Variants in PLPP3 observed in about 807,000 individuals in gnomAD.
PLPP3 encodes phospholipid phosphatase 3.
A neutral mutation model predicts 29.6 loss-of-function variants in PLPP3; 6 were observed. The observed-to-expected ratio is 0.20, with a 90% CI of 0.11 to 0.40. The LOEUF (loss-of-function observed/expected upper bound fraction) is 0.40. Among genes scored for constraint, PLPP3 ranks in the 10% least tolerant of loss-of-function variants. The pLI, the probability that PLPP3 is intolerant of heterozygous loss-of-function variation, is 1.00. For missense variants in PLPP3, 308 were observed against 407.7 expected (o/e 0.76, Z 2.11); for synonymous variants, 152 against 159.7 (o/e 0.95, Z 0.36).
At chr1:56,520,637 G>A (rs1645812207) in intron 4 of PLPP3, among the ~76,000 whole-genome samples, 1 of 118,352 alleles carries the variant, frequency 8.4e-6, no homozygotes, top group South Asian at 3.0e-4. Context: ...GCTGAGGTGG[G>A]TGGTGGCTCA....
chr1:56,543,761 G>T (rs908299826), intron 1 of PLPP3, among the ~76,000 whole-genome samples: 1 of 152,170 alleles, frequency 6.6e-6, no homozygotes, highest in African/African-American at 2.4e-5. Context: ...GTGTGAACAC[G>T]CAATATTCTG....
At chr1:56,570,079 G>A (rs985686153) in intron 1 of PLPP3, among the ~76,000 whole-genome samples, 12 of 152,148 alleles carry the variant, frequency 7.9e-5, no homozygotes, top group African/African-American at 2.9e-4. Flanking sequence ...TTAAGGCCAT[G>A]GAAACCCTGG....
intron 1 of PLPP3, among the ~76,000 whole-genome samples, chr1:56,572,390 T>C (rs1646206050): frequency 6.6e-6 from 1 of 152,128 alleles, no homozygotes; most frequent in Non-Finnish European, 1.5e-5. Flanking sequence ...GGCTGTTGAA[T>C]GACAGGAATG....
At chr1:56,535,455 A>G (rs1188052383) in intron 2 of PLPP3, among the ~76,000 whole-genome samples, 1 of 152,152 alleles carries the variant, frequency 6.6e-6, no homozygotes, top group Non-Finnish European at 1.5e-5. Flanking sequence ...CTGCCATTGT[A>G]TGGGTTGGGG....
intron 4 of PLPP3, among the ~76,000 whole-genome samples, chr1:56,518,707 TTA>T (rs1303250664): frequency 3.0e-5 from 3 of 101,302 alleles, no homozygotes; most frequent in African/African-American, 7.5e-5. Context: ...ACAGCCTTTT[TTA>T]ATCATTTATA....
chr1:56,504,851 C>T lies in PLPP3; in HGVS notation c.810+7125G>A, dbSNP rs187883461. On this transcript the variant is annotated intron_variant, in intron 5 of 5. Transcript: ENST00000371250. Reference sequence around the variant, plus strand: ...CAGTAGTGTATCCCATCCCAGCAGCCGTGCCCTTCTATCATACTTGTCTGT... The same window carrying T: ...CAGTAGTGTATCCCATCCCAGCAGCTGTGCCCTTCTATCATACTTGTCTGT... 2.4e-4 allele frequency among the ~76,000 whole-genome samples: 36 copies of T among 152,224 alleles called. No homozygotes were observed. In the East Asian group the frequency reaches 5.0e-3, roughly 21 times the overall value.
chr1:56,537,033 G>A lies in PLPP3; in HGVS notation c.219C>T (p.Ile73=). ...TCTCACCAGTTTTCAGTGGGTACTT[G>A]ATGCTCTCATCATTGCAGTAAAACC... ...HRGFYCNDES[I]KYPLKTGETI... Residue 73 remains isoleucine (I), a synonymous_variant, in exon 2 of 6, where the codon ATC becomes ATT. Transcript: ENST00000371250. The A allele has an allele frequency of 6.2e-7, 1 of 1,613,732 alleles. No homozygotes were observed.
At chr1:56,536,856 T>C in intron 2 of PLPP3, 99 bp downstream of exon 2, 1 of 1,475,878 alleles carries the variant, frequency 6.8e-7, no homozygotes, top group Non-Finnish European at 9.2e-7. Context: ...AAAGTTGGCT[T>C]CTACTTGGTA....
chr1:56,507,485 T>TA (rs1387665373), intron 5 of PLPP3, among the ~76,000 whole-genome samples: 1 of 152,096 alleles, frequency 6.6e-6, no homozygotes, highest in Non-Finnish European at 1.5e-5. Flanking sequence ...ATTCTGCTAT[T>TA]AAGGCACCCA....
chr1:56,523,639 GA>G (rs1290485215), intron 4 of PLPP3, among the ~76,000 whole-genome samples, 183 bp downstream of exon 4: 6 of 152,162 alleles, frequency 3.9e-5, no homozygotes, highest in Non-Finnish European at 8.8e-5. Flanking sequence ...GAAAAAACTA[GA>G]AAGTAAAATA....
intron 1 of PLPP3, among the ~76,000 whole-genome samples, chr1:56,577,155 C>T (rs1213546719): frequency 6.6e-6 from 1 of 152,200 alleles, no homozygotes; most frequent in Non-Finnish European, 1.5e-5. Flanking sequence ...GGCAAGTTTA[C>T]AGCAAACAGC....
intron 1 of PLPP3, among the ~76,000 whole-genome samples, chr1:56,576,031 G>A (rs1157671678): frequency 6.6e-6 from 1 of 152,082 alleles, no homozygotes; most frequent in Non-Finnish European, 1.5e-5. Context: ...CCAATGAAAG[G>A]TAAACTCCCA....
intron 1 of PLPP3, among the ~76,000 whole-genome samples, chr1:56,542,997 T>C (rs971060548): frequency 2.8e-5 from 4 of 143,866 alleles, no homozygotes; most frequent in African/African-American, 5.3e-5. Context: ...GTCTGGGTGA[T>C]AGAGCCAGAT....
intron 5 of PLPP3, among the ~76,000 whole-genome samples, chr1:56,501,006 A>AC (rs1645664209): frequency 1.6e-5 from 1 of 64,286 alleles, no homozygotes; most frequent in Non-Finnish European, 3.6e-5. Flanking sequence ...TCTGTCTCAG[A>AC]CAAAAAAAAA....
At chr1:56,533,604 C>CTAT (rs892727763) in intron 2 of PLPP3, among the ~76,000 whole-genome samples, 16 of 152,044 alleles carry the variant, frequency 1.1e-4, no homozygotes, top group African/African-American at 3.4e-4. Context: ...CCCAGGATTA[C>CTAT]TACCAGGTGC....
chr1:56,576,363 A>AT (rs1320511104), intron 1 of PLPP3, among the ~76,000 whole-genome samples: 3 of 152,056 alleles, frequency 2.0e-5, no homozygotes, highest in African/African-American at 7.2e-5. Flanking sequence ...AGTGGAAACA[A>AT]TTTTTTTTAG....
At chr1:56,534,705 A>C (rs994483109) in intron 2 of PLPP3, among the ~76,000 whole-genome samples, 1 of 152,084 alleles carries the variant, frequency 6.6e-6, no homozygotes, top group Non-Finnish European at 1.5e-5. Flanking sequence ...CTTTTCCAGA[A>C]CTGAGAATGC....
Position 56,527,976 on chromosome 1 carries a change from T to C in PLPP3, c.298-3422A>G, listed in dbSNP as rs1253211962. Among the ~76,000 whole-genome samples the C allele has an allele frequency of 2.6e-5, 4 of 152,096 alleles. No individual in the cohort carries two copies. The East Asian group carries it at 7.7e-4, about 29-fold the overall frequency. ...ATAAGCTCTTCCCTCCCCCTCCTCCTACAAAGACTCTGTCCCCACTCCCAG... is the reference window on the plus strand; with the variant it reads ...ATAAGCTCTTCCCTCCCCCTCCTCCCACAAAGACTCTGTCCCCACTCCCAG... On this transcript the variant is annotated intron_variant, in intron 2 of 5. Coordinates refer to ENST00000371250, the MANE Select transcript of PLPP3 (RefSeq NM_003713.5).
chr1:56,567,045 A>G (rs908196951), intron 1 of PLPP3, among the ~76,000 whole-genome samples: 1 of 152,134 alleles, frequency 6.6e-6, no homozygotes, highest in Non-Finnish European at 1.5e-5. Context: ...AGGTTTTACT[A>G]TTTGCATGTT....
Sources: gnomAD v4.1 joint callset for allele counts (sites outside exome capture counted in the v4.1 genomes callset) on GRCh38, gnomAD v4.1.1 for gene constraint, MANE v1.5 for transcripts, NCBI Gene and HGNC (gene_info 2026-07-23, HGNC 2026-07-21) for gene names.